Variants in ERC2 observed in about 807,000 individuals in gnomAD.
The protein encoded by ERC2 is ELKS/RAB6-interacting/CAST family member 2.
In ERC2, 42 loss-of-function variants were observed where a neutral mutation model predicts 114.8. That is an observed-to-expected ratio of 0.37 (90% CI 0.29 to 0.47). ERC2 has a LOEUF of 0.47. Among genes scored for constraint, ERC2 ranks in the 20% least tolerant of loss-of-function variants. The pLI is 0.99. For missense variants in ERC2, 939 were observed against 1,150.7 expected, an observed-to-expected ratio of 0.82 and a Z score of 2.66; for synonymous variants, 454 against 425.5, an observed-to-expected ratio of 1.07 and a Z score of -0.82.
At chr3:55,823,033 T>A (rs1305712279) in intron 14 of ERC2, among the ~76,000 whole-genome samples, 1 of 152,204 alleles carries the variant, frequency 6.6e-6, no homozygotes, top group East Asian at 1.9e-4. Context: ...ACTAATGAGG[T>A]CAGGAATTGT....
At chr3:55,985,867 T>C (rs1404281480) in intron 12 of ERC2, 110 bp downstream of exon 12, 16 of 933,544 alleles carry the variant, frequency 1.7e-5, no homozygotes, top group Middle Eastern at 2.1e-4. Context: ...CGGGGGGAAA[T>C]GCAGTGGCCC....
intron 2 of ERC2, among the ~76,000 whole-genome samples, chr3:56,352,198 G>A (rs2058579749): frequency 6.6e-6 from 1 of 152,204 alleles, no homozygotes; most frequent in African/African-American, 2.4e-5. Context: ...AGCGTGGAAA[G>A]ATATTTAGAC....
At chr3:56,383,001 AC>A in intron 2 of ERC2, among the ~76,000 whole-genome samples, 1 of 151,950 alleles carries the variant, frequency 6.6e-6, no homozygotes, top group East Asian at 1.9e-4. Flanking sequence ...CAGGCCCCAC[AC>A]CTTAAAATCA....
chr3:55,992,018 T>G, intron 11 of ERC2, 39 bp downstream of exon 11: 1 of 1,586,650 alleles, frequency 6.3e-7, no homozygotes, highest in Admixed American at 1.7e-5. Context: ...CAGTCCATGT[T>G]CTCTCACTGC....
chr3:56,120,382 A>T (rs1481379070), intron 6 of ERC2, among the ~76,000 whole-genome samples: 1 of 152,176 alleles, frequency 6.6e-6, no homozygotes, highest in East Asian at 1.9e-4. Flanking sequence ...ATTTTAAGGG[A>T]AGAGGACTAT....
intron 7 of ERC2, among the ~76,000 whole-genome samples, chr3:56,042,245 C>A (rs920884807): frequency 2.0e-5 from 3 of 152,228 alleles, no homozygotes; most frequent in African/African-American, 7.2e-5. Context: ...ATTTCAGATT[C>A]ATTCCCAAAT....
At chr3:56,316,090 C>T (rs1463119986) in intron 2 of ERC2, among the ~76,000 whole-genome samples, 1 of 151,922 alleles carries the variant, frequency 6.6e-6, no homozygotes, top group East Asian at 1.9e-4. Flanking sequence ...TGAACCCATG[C>T]ATCTGTACTC....
intron 14 of ERC2, among the ~76,000 whole-genome samples, chr3:55,770,499 C>A (rs1201393370): frequency 6.6e-6 from 1 of 152,166 alleles, no homozygotes; most frequent in Non-Finnish European, 1.5e-5. Context: ...GTGAGTGCCC[C>A]CTTCCCCCTT....
chr3:56,359,513 G>A (rs1316604146), intron 2 of ERC2, among the ~76,000 whole-genome samples: 2 of 152,188 alleles, frequency 1.3e-5, no homozygotes, highest in Non-Finnish European at 2.9e-5. Flanking sequence ...TAGAACCAGT[G>A]TACAAAATAG....
chr3:55,965,622 C>G (rs2068696574), intron 12 of ERC2, among the ~76,000 whole-genome samples: 1 of 152,060 alleles, frequency 6.6e-6, no homozygotes. Flanking sequence ...TTCCATTGTC[C>G]AAAACTTCTT....
chr3:55,970,292 A>G (rs1188756190), intron 12 of ERC2, among the ~76,000 whole-genome samples: 1 of 152,078 alleles, frequency 6.6e-6, no homozygotes, highest in African/African-American at 2.4e-5. Flanking sequence ...TTCCCTTTAC[A>G]ACTTATTAAA....
intron 17 of ERC2, among the ~76,000 whole-genome samples, chr3:55,635,402 T>C (rs1231779153): frequency 1.3e-5 from 2 of 151,990 alleles, no homozygotes; most frequent in African/African-American, 2.4e-5. Context: ...TTCTTTCTTT[T>C]TTTTTTGTCT....
At chr3:55,755,253 C>G (rs983038844) in intron 14 of ERC2, among the ~76,000 whole-genome samples, 1 of 152,076 alleles carries the variant, frequency 6.6e-6, no homozygotes, top group African/African-American at 2.4e-5. Flanking sequence ...TTTAGCTGCC[C>G]ACTTAATCTT....
chr3:55,567,379 G>A (rs1396058662), intron 17 of ERC2, among the ~76,000 whole-genome samples: 1 of 152,174 alleles, frequency 6.6e-6, no homozygotes, highest in African/African-American at 2.4e-5. Context: ...AGTGAAATAA[G>A]GCAAGGTTGG....
intron 17 of ERC2, among the ~76,000 whole-genome samples, chr3:55,601,236 G>A (rs1350671476): frequency 1.3e-5 from 2 of 152,054 alleles, no homozygotes; most frequent in Non-Finnish European, 2.9e-5. Context: ...TATATTTTCC[G>A]GTTTTTGGAA....
At chr3:56,203,022 T>A (rs746883567) in intron 3 of ERC2, among the ~76,000 whole-genome samples, 2 of 152,226 alleles carry the variant, frequency 1.3e-5, no homozygotes, top group Non-Finnish European at 2.9e-5. Flanking sequence ...CACACATGTC[T>A]TAGGTCTAAA....
intron 17 of ERC2, among the ~76,000 whole-genome samples, chr3:55,618,220 T>C (rs558880689): frequency 5.3e-5 from 8 of 151,768 alleles, no homozygotes; most frequent in Middle Eastern, 3.2e-3. Context: ...GGAGTTAAAT[T>C]GGAAAAGCAA....
chr3:55,833,212 T>C (rs369720488), intron 14 of ERC2, among the ~76,000 whole-genome samples: 9,738 of 143,410 alleles, frequency 0.068, 645 homozygotes, highest in African/African-American at 0.17. Context: ...AGAACTTCCC[T>C]AATCTAGCAA....
At chr3:55,741,313 G>A (rs531735494) in intron 14 of ERC2, among the ~76,000 whole-genome samples, 42 of 150,534 alleles carry the variant, frequency 2.8e-4, no homozygotes, top group African/African-American at 9.0e-4. Context: ...TTTTTCTCGC[G>A]GCAAATTTTG....
Sources: allele counts gnomAD v4.1 joint callset (sites outside exome capture counted in the v4.1 genomes callset), GRCh38; gene constraint gnomAD v4.1.1; transcripts MANE v1.5; gene names NCBI Gene and HGNC (gene_info 2026-07-23, HGNC 2026-07-21).